The following PRELID2 variants were observed in gnomAD, a reference collection of about 807,000 sequenced individuals.
PRELID2 encodes PRELI domain-containing protein 2.
A neutral mutation model predicts 28.4 loss-of-function variants in PRELID2; 25 were observed. The ratio of observed to expected loss-of-function variants is 0.88; its 90% CI spans 0.64 to 1.23. The LOEUF is 1.23. PRELID2 is among the 50% of genes most tolerant of loss of function. The pLI, the probability that PRELID2 is intolerant of heterozygous loss-of-function variation, is 0.00. For synonymous variants in PRELID2, 76 were observed against 71.6 expected (o/e 1.06, Z -0.31); for missense variants, 201 against 214.4 (o/e 0.94, Z 0.39).
chr5:145,500,108 G>C (rs1752346665), intron 1 of PRELID2, among the ~76,000 whole-genome samples: 1 of 152,140 alleles, frequency 6.6e-6, no homozygotes, highest in African/African-American at 2.4e-5. Context: ...GCAAAATGTA[G>C]AACTGTCTGA....
At chr5:145,337,396 A>G in the PRELID2 span, among the ~76,000 whole-genome samples, 1,874 of 151,732 alleles carry the variant, frequency 0.012, 41 homozygotes, top group African/African-American at 0.043. Flanking sequence ...GTCCTGTAAT[A>G]ATTCAGTTCA....
chr5:145,811,444 T>C (rs1561637133), intron 4 of PRELID2, among the ~76,000 whole-genome samples: 1 of 152,170 alleles, frequency 6.6e-6, no homozygotes. Context: ...TGTGGCACCA[T>C]GCTCGGCTAA....
the PRELID2 span, among the ~76,000 whole-genome samples, chr5:145,384,601 T>C: frequency 3.3e-5 from 5 of 152,144 alleles, no homozygotes; most frequent in African/African-American, 4.8e-5. Flanking sequence ...ATTACTATAA[T>C]GAAATACGTG....
At chr5:145,258,072 T>C in the PRELID2 span, among the ~76,000 whole-genome samples, 1 of 152,208 alleles carries the variant, frequency 6.6e-6, no homozygotes, top group Non-Finnish European at 1.5e-5. Flanking sequence ...TTGCCTTCCA[T>C]AATTAGAAGC....
chr5:145,835,108 T>G, intron 1 of PRELID2, 69 bp downstream of exon 1: 12 of 1,059,250 alleles, frequency 1.1e-5, no homozygotes, highest in Non-Finnish European at 1.7e-5. Flanking sequence ...TCCGCGTGGA[T>G]GAAGGAGAGG....
At chr5:145,656,655 A>G (rs1197964671) in intron 1 of PRELID2, among the ~76,000 whole-genome samples, 1 of 151,556 alleles carries the variant, frequency 6.6e-6, no homozygotes. Context: ...CGCAAGGACA[A>G]AAAACCAAAC....
chr5:145,475,188 GGAATGAAT>G (rs1752089413), intron 1 of PRELID2, among the ~76,000 whole-genome samples: 1 of 152,118 alleles, frequency 6.6e-6, no homozygotes, highest in Non-Finnish European at 1.5e-5. Context: ...AATGAATGAA[GGAATGAAT>G]GAATGAACTT....
At chr5:145,323,432 G>T in the PRELID2 span, among the ~76,000 whole-genome samples, 1 of 152,114 alleles carries the variant, frequency 6.6e-6, no homozygotes. Context: ...TTTTAAAGAC[G>T]TCTCTGGCCA....
the PRELID2 span, among the ~76,000 whole-genome samples, chr5:145,285,383 C>T: frequency 2.0e-5 from 3 of 152,040 alleles, no homozygotes; most frequent in Non-Finnish European, 4.4e-5. Flanking sequence ...GTTCTCCATC[C>T]CCGAAGCTCC....
At chr5:145,300,485 A>G in the PRELID2 span, among the ~76,000 whole-genome samples, 3 of 152,068 alleles carry the variant, frequency 2.0e-5, no homozygotes, top group Non-Finnish European at 2.9e-5. Context: ...ATTTTAAAAT[A>G]TAAGTTTTTA....
chr5:145,298,449 C>T, the PRELID2 span, among the ~76,000 whole-genome samples: 3 of 152,190 alleles, frequency 2.0e-5, no homozygotes, highest in African/African-American at 7.2e-5. Context: ...CCCTTCCTTA[C>T]ACCTTATACA....
chr5:145,789,980 A>G (rs567705282), intron 5 of PRELID2, among the ~76,000 whole-genome samples: 2 of 152,350 alleles, frequency 1.3e-5, no homozygotes, highest in South Asian at 4.1e-4. Flanking sequence ...GCTGATATCA[A>G]AAAGATGAAA....
intron 1 of PRELID2, among the ~76,000 whole-genome samples, chr5:145,542,845 C>T (rs933607348): frequency 1.3e-5 from 2 of 149,414 alleles, no homozygotes; most frequent in East Asian, 2.0e-4. Flanking sequence ...ATACATGGTA[C>T]GCTTTTGTTA....
At position 145,781,601 on chromosome 5, in the gene PRELID2, CTATATACACACTATATATATACTATA is replaced by C. The variant is rs1348287942; in HGVS notation, c.474+14815_474+14840del. Among the ~76,000 whole-genome samples, 124 of 146,002 alleles carry C rather than the reference CTATATACACACTATATATATACTATA, an allele frequency of 8.5e-4. 1 individual carries two copies. In the East Asian group the frequency reaches 0.02, roughly 24 times the overall value. On this transcript the variant is annotated intron_variant, in intron 5 of 6. Transcript: ENST00000683046. ...GTGTGTATATAGATATATAGTATAT[CTATATACACACTATATATATACTATA>C]TATATACACACTATATATATACTAT...
At chr5:145,513,686 A>C (rs1451108221) in intron 1 of PRELID2, among the ~76,000 whole-genome samples, 1 of 152,190 alleles carries the variant, frequency 6.6e-6, no homozygotes, top group African/African-American at 2.4e-5. Flanking sequence ...TCCAAGACAC[A>C]TAATTGTCAG....
intron 1 of PRELID2, among the ~76,000 whole-genome samples, chr5:145,721,252 C>T (rs1465539414): frequency 1.3e-4 from 20 of 152,018 alleles, no homozygotes; most frequent in Non-Finnish European, 5.9e-5. Flanking sequence ...GAAATGATGT[C>T]TTAGTATTAT....
At chr5:145,570,729 T>A (rs755415261) in intron 1 of PRELID2, among the ~76,000 whole-genome samples, 1 of 152,198 alleles carries the variant, frequency 6.6e-6, no homozygotes, top group Non-Finnish European at 1.5e-5. Flanking sequence ...AACAGCTTCC[T>A]AACTGGCCAT....
At chr5:145,408,897 C>T in the PRELID2 span, among the ~76,000 whole-genome samples, 2 of 152,082 alleles carry the variant, frequency 1.3e-5, no homozygotes, top group South Asian at 4.1e-4. Context: ...AACAAAGATC[C>T]TCACCTAGGC....
the PRELID2 span, among the ~76,000 whole-genome samples, chr5:145,234,282 C>T: frequency 6.6e-6 from 1 of 152,138 alleles, no homozygotes; most frequent in African/African-American, 2.4e-5. Context: ...GGCCCAAACA[C>T]TCACAATCTC....
Sources: gnomAD v4.1 joint callset for allele counts (sites outside exome capture counted in the v4.1 genomes callset) on GRCh38, gnomAD v4.1.1 for gene constraint, MANE v1.5 for transcripts, NCBI Gene and HGNC (gene_info 2026-07-23, HGNC 2026-07-21) for gene names.